SH3GL2: variants seen among roughly 807,000 people sequenced by gnomAD.
The protein encoded by SH3GL2 is endophilin-A1.
A neutral mutation model predicts 46.0 loss-of-function variants in SH3GL2; 24 were observed. The observed-to-expected ratio is 0.52, with a 90% CI of 0.38 to 0.73. The LOEUF is 0.73. Among genes scored for constraint, SH3GL2 ranks in the 30% least tolerant of loss-of-function variants. The probability of loss-of-function intolerance (pLI) is 0.00; values close to 1 mark genes in which losing one functional copy is unlikely to be tolerated. For missense variants in SH3GL2, 413 were observed against 424.2 expected, an observed-to-expected ratio of 0.97 and a Z score of 0.23; for synonymous variants, 196 against 147.1, an observed-to-expected ratio of 1.33 and a Z score of -2.40.
chr9:17,760,240 T>G (rs946323655), intron 2 of SH3GL2, among the ~76,000 whole-genome samples: 1 of 152,180 alleles, frequency 6.6e-6, no homozygotes, highest in African/African-American at 2.4e-5. Flanking sequence ...TCATTATAAC[T>G]TCACAAGAAA....
At chr9:17,794,360 A>T (rs543029605) in intron 8 of SH3GL2, among the ~76,000 whole-genome samples, 1 of 152,228 alleles carries the variant, frequency 6.6e-6, no homozygotes, top group African/African-American at 2.4e-5. Context: ...TTTTTATAAG[A>T]TGCTCTCAGG....
At chr9:17,614,295 G>GAAAAAAAAAAAAAAAAAAAAAAAAAAAA (rs3084628) in intron 1 of SH3GL2, among the ~76,000 whole-genome samples, 1 of 70,302 alleles carries the variant, frequency 1.4e-5, no homozygotes, top group African/African-American at 5.8e-5. Flanking sequence ...CATGGTTTCT[G>GAAAAAAAAAAAAAAAAAAAAAAAAAAAA]AAAAAAAAAA....
At chr9:17,702,233 T>C (rs1221568109) in intron 1 of SH3GL2, among the ~76,000 whole-genome samples, 1 of 152,098 alleles carries the variant, frequency 6.6e-6, no homozygotes, top group Non-Finnish European at 1.5e-5. Flanking sequence ...TAATTCACAT[T>C]GGCAGGACCA....
At chr9:17,680,679 G>A (rs1355458003) in intron 1 of SH3GL2, among the ~76,000 whole-genome samples, 4 of 151,970 alleles carry the variant, frequency 2.6e-5, no homozygotes, top group African/African-American at 9.7e-5. Context: ...TAGCTTTTGA[G>A]TGTGTTTGCT....
chr9:17,737,802 C>A (rs115714710), intron 1 of SH3GL2, among the ~76,000 whole-genome samples: 2 of 152,076 alleles, frequency 1.3e-5, no homozygotes, highest in Non-Finnish European at 2.9e-5. Context: ...CCTGAGCAGT[C>A]GCCTTTGAGC....
chr9:17,747,619 T>C (rs1264475822), intron 2 of SH3GL2, among the ~76,000 whole-genome samples: 1 of 152,158 alleles, frequency 6.6e-6, no homozygotes, highest in Non-Finnish European at 1.5e-5. Context: ...CTTCCTGCCA[T>C]GTGTCACAAA....
chr9:17,681,002 T>C (rs1318409336), intron 1 of SH3GL2, among the ~76,000 whole-genome samples: 1 of 152,140 alleles, frequency 6.6e-6, no homozygotes, highest in Non-Finnish European at 1.5e-5. Context: ...AGACAGTTTG[T>C]TGTAATTTCT....
At chr9:17,707,349 T>C (rs1821496932) in intron 1 of SH3GL2, among the ~76,000 whole-genome samples, 1 of 152,060 alleles carries the variant, frequency 6.6e-6, no homozygotes, top group Non-Finnish European at 1.5e-5. Context: ...GGTTGTAATC[T>C]CACTAGCTAT....
chr9:17,782,766 A>G (rs1236337250), intron 3 of SH3GL2, among the ~76,000 whole-genome samples: 1 of 152,162 alleles, frequency 6.6e-6, no homozygotes, highest in African/African-American at 2.4e-5. Context: ...TTTTATAAAA[A>G]ATTAAAATGT....
intron 1 of SH3GL2, among the ~76,000 whole-genome samples, chr9:17,643,352 C>T (rs773115387): frequency 1.3e-5 from 2 of 152,174 alleles, no homozygotes; most frequent in South Asian, 2.1e-4. Flanking sequence ...TTGAGTTCTT[C>T]TCTTCCTATT....
At position 17,708,627 on chromosome 9, in the gene SH3GL2, T is replaced by A. The variant is rs538924181; in HGVS notation, c.46-38439T>A. 1.5e-4 allele frequency among the ~76,000 whole-genome samples: 23 copies of A among 152,106 alleles called. No individual in the cohort carries two copies. In the South Asian group the frequency reaches 2.9e-3, roughly 19 times the overall value. On this transcript the variant is annotated intron_variant, in intron 1 of 8. Transcript: ENST00000380607. ...TGAACACCTGGTCAGGTGTCTCTAGTGGCTTTAAGTAAAGACCACTTCATT... is the reference window on the plus strand; with the variant it reads ...TGAACACCTGGTCAGGTGTCTCTAGAGGCTTTAAGTAAAGACCACTTCATT...
At chr9:17,682,281 T>G (rs553658427) in intron 1 of SH3GL2, among the ~76,000 whole-genome samples, 97 of 152,246 alleles carry the variant, frequency 6.4e-4, no homozygotes, top group Middle Eastern at 6.8e-3. Context: ...TGCGTATTAT[T>G]TTCAATAGCA....
At chr9:17,606,406 C>G (rs372984343) in intron 1 of SH3GL2, among the ~76,000 whole-genome samples, 1 of 152,132 alleles carries the variant, frequency 6.6e-6, no homozygotes, top group Non-Finnish European at 1.5e-5. Context: ...CCACAACTCC[C>G]AAGGCCAATT....
intron 3 of SH3GL2, among the ~76,000 whole-genome samples, chr9:17,782,243 C>G (rs979405524): frequency 2.0e-5 from 3 of 152,028 alleles, no homozygotes; most frequent in African/African-American, 7.2e-5. Context: ...TGGTGTGGGA[C>G]TCGTGATTTG....
At chr9:17,615,020 A>G (rs1818953108) in intron 1 of SH3GL2, among the ~76,000 whole-genome samples, 1 of 152,166 alleles carries the variant, frequency 6.6e-6, no homozygotes, top group Non-Finnish European at 1.5e-5. Flanking sequence ...TAGAGTGAGC[A>G]TGTCCTCTCT....
intron 1 of SH3GL2, among the ~76,000 whole-genome samples, chr9:17,585,568 G>C (rs993142116): frequency 6.6e-6 from 1 of 152,278 alleles, no homozygotes; most frequent in South Asian, 2.1e-4. Context: ...GGGGGGACAC[G>C]TGGGGTGGAG....
intron 1 of SH3GL2, among the ~76,000 whole-genome samples, chr9:17,733,250 C>G (rs7853068): frequency 6.6e-6 from 1 of 151,256 alleles, no homozygotes; most frequent in Non-Finnish European, 1.5e-5. Flanking sequence ...CTCACATTCT[C>G]TTTTTTTAAA....
chr9:17,686,705 C>T (rs201052834), intron 1 of SH3GL2, among the ~76,000 whole-genome samples: 8 of 143,006 alleles, frequency 5.6e-5, no homozygotes, highest in East Asian at 2.1e-4. Context: ...AACCAAACAC[C>T]GCATATTCTC....
intron 1 of SH3GL2, among the ~76,000 whole-genome samples, chr9:17,719,057 G>A (rs1821829192): frequency 6.6e-6 from 1 of 152,226 alleles, no homozygotes; most frequent in East Asian, 1.9e-4. Context: ...GACCTGTCTG[G>A]TTTAGTCAGG....
Sources: allele counts gnomAD v4.1 joint callset (sites outside exome capture counted in the v4.1 genomes callset), GRCh38; gene constraint gnomAD v4.1.1; transcripts MANE v1.5; gene names NCBI Gene and HGNC (gene_info 2026-07-23, HGNC 2026-07-21).